Variants in ANKS1B observed in about 807,000 individuals in gnomAD.
The protein encoded by ANKS1B is ankyrin repeat and sterile alpha motif domain-containing protein 1B.
Under a neutral mutation model 148.3 loss-of-function variants are expected in ANKS1B, and 36 were observed. The observed-to-expected ratio is 0.24, with a 90% CI of 0.19 to 0.32. The LOEUF (loss-of-function observed/expected upper bound fraction) is 0.32. Among genes scored for constraint, ANKS1B ranks in the 10% least tolerant of loss-of-function variants. The probability of loss-of-function intolerance (pLI) is 1.00; values close to 1 mark genes in which losing one functional copy is unlikely to be tolerated. For synonymous variants in ANKS1B, 542 were observed against 560.8 expected (o/e 0.97, Z 0.47); for missense variants, 1,157 against 1,542.6 (o/e 0.75, Z 4.19).
intron 17 of ANKS1B, among the ~76,000 whole-genome samples, chr12:98,929,633 G>A (rs144726288): frequency 9.7e-4 from 144 of 148,798 alleles, no homozygotes; most frequent in Admixed American, 4.0e-3. Flanking sequence ...CAGTAGTTCA[G>A]TAGCAGGCTT....
chr12:99,063,881 C>G (rs565920899), intron 16 of ANKS1B, among the ~76,000 whole-genome samples: 8 of 152,310 alleles, frequency 5.3e-5, no homozygotes, highest in African/African-American at 1.7e-4. Flanking sequence ...GGGAGGTATA[C>G]ATGTACAAAT....
At chr12:98,992,759 T>C (rs925574783) in intron 17 of ANKS1B, among the ~76,000 whole-genome samples, 1 of 152,214 alleles carries the variant, frequency 6.6e-6, no homozygotes, top group Non-Finnish European at 1.5e-5. Context: ...CCTACCCCAG[T>C]CCACTAGCCT....
At chr12:99,678,838 A>G (rs772004914) in intron 8 of ANKS1B, among the ~76,000 whole-genome samples, 3 of 152,206 alleles carry the variant, frequency 2.0e-5, no homozygotes, top group Admixed American at 6.5e-5. Flanking sequence ...GGATCAACAA[A>G]CCATTTTATG....
chr12:99,777,201 A>C (rs1427098701), intron 6 of ANKS1B, among the ~76,000 whole-genome samples: 1 of 152,216 alleles, frequency 6.6e-6, no homozygotes. Context: ...TTTTTCTTAA[A>C]ATCTAATAAA....
In ANKS1B at chr12:98,894,929, AC is replaced by A. The variant is rs994727303; in HGVS notation, c.2779-62794del. On this transcript the variant is annotated intron_variant, in intron 17 of 26. Transcript: ENST00000683438. Reference sequence around the variant, plus strand: ...GCCCCCCGCGCGGCGCGTGCCCCCCACCCCCCGCCGCGCGCCCTCGCACCCG... The same window carrying A: ...GCCCCCCGCGCGGCGCGTGCCCCCCACCCCCGCCGCGCGCCCTCGCACCCG... The A allele has an allele frequency of 1.6e-5, 13 of 836,248 alleles. No homozygotes were observed. In the South Asian group the frequency reaches 3.4e-4, roughly 22 times the overall value. 51.8% of individuals were successfully genotyped at this position (836,248 alleles called of 1,614,324 possible).
chr12:98,851,384 G>A (rs1595482758), intron 17 of ANKS1B, among the ~76,000 whole-genome samples: 1 of 152,188 alleles, frequency 6.6e-6, no homozygotes, highest in Non-Finnish European at 1.5e-5. Context: ...GGCTGAGAAG[G>A]AGATTTCCAA....
At position 99,333,586 on chromosome 12, in the gene ANKS1B, T is replaced by C. The variant is rs377484086; in HGVS notation, c.1756+66045A>G. Among the ~76,000 whole-genome samples, 4 of 152,088 alleles carry C rather than the reference T, an allele frequency of 2.6e-5. No individual in the cohort carries two copies. In the East Asian group the frequency reaches 7.7e-4, roughly 29 times the overall value. Reference sequence around the variant, plus strand: ...TTTGCAGGTCCCTGTCTCAGTTCCATGTGGAAGCCGCTGCATGCCTCTAAG... The same window carrying C: ...TTTGCAGGTCCCTGTCTCAGTTCCACGTGGAAGCCGCTGCATGCCTCTAAG... On this transcript the variant is annotated intron_variant, in intron 12 of 26. Coordinates refer to ENST00000683438, the MANE Select transcript of ANKS1B (RefSeq NM_001352186.2).
chr12:99,955,096 C>T (rs1377139917), intron 1 of ANKS1B, among the ~76,000 whole-genome samples: 1 of 152,100 alleles, frequency 6.6e-6, no homozygotes, highest in African/African-American at 2.4e-5. Flanking sequence ...TGCAGTTGCC[C>T]CTGTGAAGTT....
intron 14 of ANKS1B, among the ~76,000 whole-genome samples, chr12:99,202,553 G>A (rs2082189551): frequency 6.6e-6 from 1 of 152,074 alleles, no homozygotes; most frequent in African/African-American, 2.4e-5. Flanking sequence ...ACACTTCTTT[G>A]GATAAAGTTC....
chr12:98,889,367 G>C (rs1024696477), intron 17 of ANKS1B, among the ~76,000 whole-genome samples: 7 of 148,298 alleles, frequency 4.7e-5, no homozygotes, highest in Non-Finnish European at 1.0e-4. Flanking sequence ...TTTTTTTTGA[G>C]ACAGTGTTTC....
chr12:99,135,640 G>A (rs779313585), intron 15 of ANKS1B, among the ~76,000 whole-genome samples: 2 of 152,154 alleles, frequency 1.3e-5, no homozygotes, highest in African/African-American at 4.8e-5. Context: ...GACATACTAA[G>A]CCACGCTATT....
downstream of ANKS1B, among the ~76,000 whole-genome samples, chr12:98,740,747 C>G (rs2097794397): frequency 6.6e-6 from 1 of 152,234 alleles, no homozygotes; most frequent in Non-Finnish European, 1.5e-5. Flanking sequence ...CTAACAATTG[C>G]AGCCACATTT....
chr12:99,950,313 T>C (rs1168601816), intron 1 of ANKS1B, among the ~76,000 whole-genome samples: 1 of 151,926 alleles, frequency 6.6e-6, no homozygotes, highest in Non-Finnish European at 1.5e-5. Context: ...CTTATTTGGA[T>C]ATTTCCTGAC....
chr12:99,601,127 A>G (rs557201804), intron 9 of ANKS1B, among the ~76,000 whole-genome samples: 37 of 152,080 alleles, frequency 2.4e-4, no homozygotes, highest in Non-Finnish European at 5.0e-4. Flanking sequence ...GCCTCTAACA[A>G]GATTTTAAGT....
intron 17 of ANKS1B, among the ~76,000 whole-genome samples, chr12:98,943,445 C>A (rs181597557): frequency 6.6e-6 from 1 of 152,314 alleles, no homozygotes; most frequent in African/African-American, 2.4e-5. Context: ...TTGCCCAGAT[C>A]TTACTGGACA....
intron 17 of ANKS1B, among the ~76,000 whole-genome samples, chr12:99,014,549 T>C (rs1313983202): frequency 1.3e-5 from 2 of 152,230 alleles, no homozygotes; most frequent in East Asian, 3.8e-4. Flanking sequence ...AAAGAGCTTA[T>C]GCACAGCAAA....
intron 1 of ANKS1B, among the ~76,000 whole-genome samples, chr12:99,827,700 A>G (rs1201704363): frequency 6.6e-6 from 1 of 152,220 alleles, no homozygotes; most frequent in Admixed American, 6.5e-5. Context: ...ACATGCTACT[A>G]TATAACTATC....
chr12:98,772,454 G>T (rs536635506), intron 25 of ANKS1B, among the ~76,000 whole-genome samples: 1 of 152,296 alleles, frequency 6.6e-6, no homozygotes, highest in Non-Finnish European at 1.5e-5. Flanking sequence ...AAGGAAAGGG[G>T]TTTAATTGGC....
chr12:99,443,840 T>G, intron 10 of ANKS1B, 31 bp from the exon 11 acceptor site: 2 of 1,582,868 alleles, frequency 1.3e-6, no homozygotes, highest in Non-Finnish European at 1.7e-6. Flanking sequence ...GCCATGAACC[T>G]AATCACTCAG....
Sources: gnomAD v4.1 joint callset for allele counts (sites outside exome capture counted in the v4.1 genomes callset) on GRCh38, gnomAD v4.1.1 for gene constraint, MANE v1.5 for transcripts, NCBI Gene and HGNC (gene_info 2026-07-23, HGNC 2026-07-21) for gene names.